Variants in MAPT observed in about 807,000 individuals in gnomAD.
MAPT encodes microtubule associated protein tau.
In MAPT, 34 loss-of-function variants were observed where a neutral mutation model predicts 67.9. The ratio of observed to expected loss-of-function variants is 0.50; its 90% CI spans 0.38 to 0.67. The LOEUF (loss-of-function observed/expected upper bound fraction) is 0.67. Among genes scored for constraint, MAPT ranks in the 30% least tolerant of loss-of-function variants. The probability of loss-of-function intolerance (pLI) is 0.00; values close to 1 mark genes in which losing one functional copy is unlikely to be tolerated. For synonymous variants in MAPT, 456 were observed against 464.5 expected (o/e 0.98, Z 0.23); for missense variants, 881 against 1,115.2 (o/e 0.79, Z 2.99).
intron 10 of MAPT, among the ~76,000 whole-genome samples, 185 bp from the exon 11 acceptor site, chr17:46,014,058 C>T (rs1416395523): frequency 6.6e-6 from 1 of 152,166 alleles, no homozygotes; most frequent in Admixed American, 6.5e-5. Flanking sequence ...ACACATTTTT[C>T]CACCCTGACT....
intron 8 of MAPT, among the ~76,000 whole-genome samples, chr17:45,991,796 T>C (rs543482677): frequency 1.3e-5 from 2 of 151,788 alleles, no homozygotes; most frequent in East Asian, 3.9e-4. Context: ...TTTTTTTTTT[T>C]CTTTTGAGAC....
intron 9 of MAPT, among the ~76,000 whole-genome samples, chr17:46,000,057 G>A (rs576575213): frequency 1.8e-4 from 27 of 152,322 alleles, no homozygotes; most frequent in East Asian, 1.2e-3. Flanking sequence ...GTGGCCTCAT[G>A]TAGTACCCAG....
intron 3 of MAPT, 200 bp downstream of exon 3, chr17:45,972,145 C>T (rs1303289114): frequency 1.7e-5 from 12 of 693,942 alleles, no homozygotes; most frequent in Non-Finnish European, 3.1e-5. Flanking sequence ...CACCTTCATC[C>T]CGTGTGTGCT....
At chr17:45,929,063 C>T (rs1340794501) in intron 1 of MAPT, among the ~76,000 whole-genome samples, 1 of 151,876 alleles carries the variant, frequency 6.6e-6, no homozygotes, top group Non-Finnish European at 1.5e-5. Context: ...AACCACTGAT[C>T]TGCCTTGTGC....
Position 45,991,593 on chromosome 17 carries a change from A to T in MAPT, c.1732+7A>T, listed in dbSNP as rs1473900110. ...AAGACACCACCCAGCTCTGGTAAGA[A>T]GAACGTTCTCTTGAATCTTAGAGGA... On this transcript the variant is annotated splice_region_variant and intron_variant, in intron 8 of 12. Coordinates refer to ENST00000262410, the MANE Select transcript of MAPT (RefSeq NM_001377265.1). 1 of 1,614,042 alleles carries T rather than the reference A, an allele frequency of 6.2e-7. No individual in the cohort carries two copies. Among genetic ancestry groups the T allele is most frequent in the South Asian group, 1.1e-5 (1 of 91,064 alleles).
chr17:46,012,771 C>T (rs768712024), intron 10 of MAPT, among the ~76,000 whole-genome samples: 2 of 150,070 alleles, frequency 1.3e-5, no homozygotes, highest in East Asian at 2.0e-4. Context: ...CCCCCTCTCA[C>T]GAGTTACCTC....
intron 9 of MAPT, among the ~76,000 whole-genome samples, chr17:46,005,314 A>G (rs1027799688): frequency 6.6e-6 from 1 of 152,214 alleles, no homozygotes; most frequent in South Asian, 2.1e-4. Flanking sequence ...TCTTGTAATT[A>G]TCAGTGTTGA....
chr17:45,939,341 C>T (rs964769982), intron 1 of MAPT, among the ~76,000 whole-genome samples: 6 of 152,224 alleles, frequency 3.9e-5, no homozygotes, highest in African/African-American at 7.2e-5. Flanking sequence ...ACAAGTAACC[C>T]GGGTCATATT....
At position 45,959,129 on chromosome 17, in the gene MAPT, T is replaced by C. The variant is rs1183637283; in HGVS notation, c.-17-3192T>C. Among the ~76,000 whole-genome samples the C allele has an allele frequency of 2.6e-5, 4 of 152,180 alleles. No homozygotes were observed. The East Asian group carries it at 7.7e-4, about 29-fold the overall frequency. ...ATCATTTAAAAAAACATTAATAGAC[T>C]GTTTTTTAGAGCACTTTTAGGTTCA... is the stretch of plus-strand genomic sequence containing the variant. On this transcript the variant is annotated intron_variant, in intron 1 of 12. Transcript: ENST00000262410.
intron 1 of MAPT, among the ~76,000 whole-genome samples, chr17:45,901,844 T>A (rs1196407462): frequency 2.6e-5 from 4 of 152,130 alleles, no homozygotes; most frequent in Non-Finnish European, 5.9e-5. Flanking sequence ...GTCTGGGTCC[T>A]CCGATTTCAG....
intron 11 of MAPT, among the ~76,000 whole-genome samples, chr17:46,016,146 C>T (rs2076162238): frequency 6.6e-6 from 1 of 152,148 alleles, no homozygotes; most frequent in Non-Finnish European, 1.5e-5. Context: ...AATCCCAGCA[C>T]CTTGGGAGGC....
chr17:45,944,807 C>T (rs908598133), intron 1 of MAPT, among the ~76,000 whole-genome samples: 3 of 152,162 alleles, frequency 2.0e-5, no homozygotes, highest in Non-Finnish European at 2.9e-5. Context: ...GGAGGTGCTG[C>T]TGAGGCAACG....
chr17:45,985,299 C>CT (rs2073427611), intron 5 of MAPT, among the ~76,000 whole-genome samples: 2 of 152,004 alleles, frequency 1.3e-5, no homozygotes, highest in African/African-American at 4.8e-5. Flanking sequence ...GAGTGAGACT[C>CT]TGTCTCAAAA....
chr17:46,023,142 T>C (rs2076631910), intron 12 of MAPT, among the ~76,000 whole-genome samples: 1 of 152,200 alleles, frequency 6.6e-6, no homozygotes, highest in Admixed American at 6.5e-5. Flanking sequence ...CCTTCCACAT[T>C]TTCCTTTGCA....
chr17:46,012,372 A>G (rs1179687320), intron 10 of MAPT, among the ~76,000 whole-genome samples: 1 of 151,838 alleles, frequency 6.6e-6, no homozygotes, highest in Non-Finnish European at 1.5e-5. Flanking sequence ...TCTGCGGGCT[A>G]GCCTGTGTCC....
chr17:45,994,844 G>C (rs138600153), intron 8 of MAPT, among the ~76,000 whole-genome samples: 1 of 151,962 alleles, frequency 6.6e-6, no homozygotes, highest in Non-Finnish European at 1.5e-5. Context: ...AATCTTTACT[G>C]AAAATACAAA....
chr17:45,939,175 T>C (rs2067639477), intron 1 of MAPT, among the ~76,000 whole-genome samples: 1 of 152,104 alleles, frequency 6.6e-6, no homozygotes, highest in African/African-American at 2.4e-5. Context: ...TCTAGGCTGG[T>C]CTTGAACTCC....
rs67136360 is a variant in MAPT, at chr17:45,903,755, A to AT, written c.-18+9077dup. ...AAGGAATCTCTTTGGTTTTATATATATTTTTTTTATATATATAATATATAT... is the reference window on the plus strand; with the variant it reads ...AAGGAATCTCTTTGGTTTTATATATATTTTTTTTTATATATATAATATATAT... On this transcript the variant is annotated intron_variant, in intron 1 of 12. Transcript: ENST00000262410. Among the ~76,000 whole-genome samples, 4 of 79,622 alleles carry AT rather than the reference A, an allele frequency of 5.0e-5. 1 individual carries two copies. The highest frequency in any genetic ancestry group is 7.3e-5 in the Non-Finnish European group (3 of 40,954). The allele number at this position is 79,622 out of a possible 152,430, so 52.2% of individuals were successfully genotyped here.
chr17:45,994,821 C>T (rs2074344270), intron 8 of MAPT, among the ~76,000 whole-genome samples: 1 of 152,098 alleles, frequency 6.6e-6, no homozygotes, highest in Non-Finnish European at 1.5e-5. Context: ...CATGGTAAAA[C>T]CTCTACTAAA....
Sources: gnomAD v4.1 joint callset for allele counts (sites outside exome capture counted in the v4.1 genomes callset) on GRCh38, gnomAD v4.1.1 for gene constraint, MANE v1.5 for transcripts, NCBI Gene and HGNC (gene_info 2026-07-23, HGNC 2026-07-21) for gene names.